NAV3: variants seen among roughly 807,000 people sequenced by gnomAD.
The protein encoded by NAV3 is neuron navigator 3, also known as pore membrane and/or filament interacting like protein 1.
A neutral mutation model predicts 244.7 loss-of-function variants in NAV3; 87 were observed. That is an observed-to-expected ratio of 0.36 (90% CI 0.30 to 0.42). The LOEUF (loss-of-function observed/expected upper bound fraction) is 0.42, where lower values mean the gene tolerates loss of function less well. NAV3 is among the 20% of genes least tolerant of loss of function. The pLI, the probability that NAV3 is intolerant of heterozygous loss-of-function variation, is 1.00. For missense variants in NAV3, 2,663 were observed against 2,893.3 expected (o/e 0.92, Z 1.83); for synonymous variants, 1,126 against 1,042.2 (o/e 1.08, Z -1.55).
intron 1 of NAV3, among the ~76,000 whole-genome samples, chr12:77,862,391 A>G (rs1424560311): frequency 2.0e-5 from 3 of 151,644 alleles, no homozygotes; most frequent in African/African-American, 4.8e-5. Context: ...AACAAGATGA[A>G]TTTGTTTTGA....
chr12:77,937,076 T>G (rs1316013410), intron 1 of NAV3, among the ~76,000 whole-genome samples: 3 of 152,190 alleles, frequency 2.0e-5, no homozygotes, highest in Non-Finnish European at 4.4e-5. Context: ...TTGGAGGGTC[T>G]CAAGTATCTT....
intron 2 of NAV3, among the ~76,000 whole-genome samples, chr12:77,732,247 T>A (rs1277365575): frequency 6.6e-6 from 1 of 151,806 alleles, no homozygotes; most frequent in Admixed American, 6.6e-5. Flanking sequence ...TCAGAGAAGA[T>A]CATGGTGTTG....
chr12:77,920,626 T>C (rs1308097473), intron 1 of NAV3, among the ~76,000 whole-genome samples: 2 of 152,148 alleles, frequency 1.3e-5, no homozygotes, highest in African/African-American at 4.8e-5. Context: ...GAAAAACAGG[T>C]ACAAGCCTTT....
intron 30 of NAV3, among the ~76,000 whole-genome samples, chr12:78,181,411 A>G (rs567757152): frequency 6.6e-6 from 1 of 152,208 alleles, no homozygotes; most frequent in African/African-American, 2.4e-5. Flanking sequence ...TTATAAGTGT[A>G]GCAGGCTTTA....
intron 9 of NAV3, among the ~76,000 whole-genome samples, chr12:78,047,835 C>T (rs573034462): frequency 6.6e-6 from 1 of 152,342 alleles, no homozygotes; most frequent in South Asian, 2.1e-4. Flanking sequence ...CTGTCACTTT[C>T]AGGTATACCA....
chr12:78,121,815 G>C (rs1955680404), intron 15 of NAV3, 125 bp from the exon 16 acceptor site: 2 of 1,213,376 alleles, frequency 1.6e-6, no homozygotes, highest in Middle Eastern at 5.7e-4. Context: ...TTAACATAGA[G>C]ACAGGAAGTG....
At chr12:78,077,167 T>C (rs1336358087) in intron 12 of NAV3, among the ~76,000 whole-genome samples, 1 of 152,208 alleles carries the variant, frequency 6.6e-6, no homozygotes, top group African/African-American at 2.4e-5. Flanking sequence ...CATTTGTTTT[T>C]ACTCCTTGAT....
At chr12:78,055,520 G>A (rs1218415735) in intron 11 of NAV3, among the ~76,000 whole-genome samples, 2 of 152,150 alleles carry the variant, frequency 1.3e-5, no homozygotes, top group African/African-American at 4.8e-5. Context: ...AAGCTAATTT[G>A]TTCTTCACAT....
chr12:77,880,616 T>A (rs2136601231), intron 1 of NAV3, among the ~76,000 whole-genome samples: 1 of 152,274 alleles, frequency 6.6e-6, no homozygotes, highest in African/African-American at 2.4e-5. Context: ...CACAGTGATA[T>A]TTCCATCAAA....
chr12:78,144,323 T>C (rs942474988), intron 20 of NAV3, among the ~76,000 whole-genome samples: 3 of 152,124 alleles, frequency 2.0e-5, no homozygotes, highest in Non-Finnish European at 2.9e-5. Flanking sequence ...AATAAAAACA[T>C]TTTTATTCAG....
At chr12:77,844,595 C>A (rs752084768) in intron 1 of NAV3, among the ~76,000 whole-genome samples, 17 of 152,060 alleles carry the variant, frequency 1.1e-4, no homozygotes, top group Non-Finnish European at 1.8e-4. Context: ...CATTTTTATT[C>A]CAGATTTTAA....
intron 2 of NAV3, among the ~76,000 whole-genome samples, chr12:77,794,217 T>C (rs1350835884): frequency 6.6e-6 from 1 of 152,168 alleles, no homozygotes; most frequent in Non-Finnish European, 1.5e-5. Flanking sequence ...GTAGATTATA[T>C]CATCTATTTA....
intron 7 of NAV3, 102 bp downstream of exon 7, chr12:77,998,578 A>G (rs1278487774): frequency 2.2e-5 from 28 of 1,264,658 alleles, no homozygotes; most frequent in Non-Finnish European, 2.8e-5. Flanking sequence ...GGGCCTAGAG[A>G]TGTTATCAGT....
intron 9 of NAV3, among the ~76,000 whole-genome samples, chr12:78,044,809 A>G (rs552345975): frequency 6.6e-6 from 1 of 152,330 alleles, no homozygotes; most frequent in Non-Finnish European, 1.5e-5. Flanking sequence ...AAATTCGCTT[A>G]TCAGCTTAAG....
At chr12:77,591,394 A>G (rs1356223876) in intron 2 of NAV3, among the ~76,000 whole-genome samples, 1 of 152,214 alleles carries the variant, frequency 6.6e-6, no homozygotes, top group Non-Finnish European at 1.5e-5. Flanking sequence ...TTATAGTATG[A>G]GAAATATTTG....
intron 34 of NAV3, among the ~76,000 whole-genome samples, chr12:78,191,014 C>G (rs1958952529): frequency 6.6e-6 from 1 of 152,038 alleles, no homozygotes; most frequent in South Asian, 2.1e-4. Flanking sequence ...CTATTATAAG[C>G]AATACCTTGA....
chr12:77,862,451 G>C (rs1334788478), intron 1 of NAV3, among the ~76,000 whole-genome samples: 1 of 151,640 alleles, frequency 6.6e-6, no homozygotes, highest in African/African-American at 2.4e-5. Flanking sequence ...AAAGTTGGAG[G>C]ATCATCTATA....
At chr12:78,172,608 C>T in intron 24 of NAV3, among the ~76,000 whole-genome samples, 1 of 151,382 alleles carries the variant, frequency 6.6e-6, no homozygotes. Context: ...GAAGATTATT[C>T]CAAGGTAGTA....
At chr12:78,137,858 C>A (rs933563613) in intron 19 of NAV3, among the ~76,000 whole-genome samples, 1 of 152,038 alleles carries the variant, frequency 6.6e-6, no homozygotes, top group African/African-American at 2.4e-5. Flanking sequence ...ATTTCTTCAT[C>A]CAATGGCAAT....
Sources: gnomAD v4.1 joint callset for allele counts (sites outside exome capture counted in the v4.1 genomes callset) on GRCh38, gnomAD v4.1.1 for gene constraint, MANE v1.5 for transcripts, NCBI Gene and HGNC (gene_info 2026-07-23, HGNC 2026-07-21) for gene names.